NETO1: variants seen among roughly 807,000 people sequenced by gnomAD.
NETO1 encodes neuropilin and tolloid like 1.
Under a neutral mutation model 61.3 loss-of-function variants are expected in NETO1, and 26 were observed. That is an observed-to-expected ratio of 0.42 (90% CI 0.31 to 0.59). The LOEUF is 0.59. Among genes scored for constraint, NETO1 ranks in the 20% least tolerant of loss-of-function variants. The probability of loss-of-function intolerance (pLI) is 0.12; values close to 1 mark genes in which losing one functional copy is unlikely to be tolerated. For synonymous variants in NETO1, 225 were observed against 225.8 expected (o/e 1.00, Z 0.03); for missense variants, 531 against 662.8 (o/e 0.80, Z 2.18).
chr18:72,810,770 A>T (rs1322442871), intron 4 of NETO1, among the ~76,000 whole-genome samples: 1 of 152,180 alleles, frequency 6.6e-6, no homozygotes, highest in African/African-American at 2.4e-5. Context: ...TTTCATTAAG[A>T]GGTGAGAAAA....
chr18:72,865,032 T>G, intron 2 of NETO1, 87 bp from the exon 3 acceptor site: 8 of 1,454,798 alleles, frequency 5.5e-6, no homozygotes, highest in Non-Finnish European at 6.5e-6. Flanking sequence ...ATAATATCCA[T>G]TAGTAAATTA....
chr18:72,825,813 GT>G lies in NETO1; in HGVS notation c.470-31410del, dbSNP rs200296482. Among the ~76,000 whole-genome samples, 3 of 152,086 alleles carry G rather than the reference GT, an allele frequency of 2.0e-5. No homozygotes were observed. The East Asian group carries it at 5.8e-4, about 29-fold the overall frequency. On this transcript the variant is annotated intron_variant, in intron 4 of 10. Transcript: ENST00000327305. Reference sequence around the variant, plus strand: ...GCGATCTTTAAAAGTGAAATTTTGAGTTTTCAATCACTTAGAATTTTTAAAA... The same window carrying G: ...GCGATCTTTAAAAGTGAAATTTTGAGTTTCAATCACTTAGAATTTTTAAAA...
At chr18:72,820,462 T>C (rs2073157038) in intron 4 of NETO1, among the ~76,000 whole-genome samples, 1 of 152,218 alleles carries the variant, frequency 6.6e-6, no homozygotes, top group Non-Finnish European at 1.5e-5. Flanking sequence ...CCTTCTCCAC[T>C]CCACCCCATT....
rs112630962 is a variant in NETO1 at position 72,798,480 on chromosome 18, G to A, written c.470-4076C>T. 1.3e-3 allele frequency among the ~76,000 whole-genome samples: 193 copies of A among 152,226 alleles called. 1 individual carries two copies. The highest frequency in any genetic ancestry group is 3.3e-3 in the African/African-American group (135 of 41,518). On this transcript the variant is annotated intron_variant, in intron 4 of 10. Transcript: ENST00000327305. ...TCAGTGAGTGGCAAGTGTCACAAGC[G>A]GCATCTGGTGACAGGCTTTGTAGTG... is the stretch of plus-strand genomic sequence containing the variant.
At chr18:72,752,307 C>T (rs764305822) in intron 8 of NETO1, among the ~76,000 whole-genome samples, 10 of 152,080 alleles carry the variant, frequency 6.6e-5, no homozygotes, top group African/African-American at 1.2e-4. Flanking sequence ...GAGCAATCAG[C>T]CGGCAATTGG....
chr18:72,816,577 C>T (rs1234808306), intron 4 of NETO1, among the ~76,000 whole-genome samples: 1 of 152,126 alleles, frequency 6.6e-6, no homozygotes, highest in African/African-American at 2.4e-5. Context: ...CAGGGCATAG[C>T]ACCAATGGCA....
At chr18:72,812,843 G>T (rs2072911644) in intron 4 of NETO1, among the ~76,000 whole-genome samples, 1 of 152,150 alleles carries the variant, frequency 6.6e-6, no homozygotes, top group African/African-American at 2.4e-5. Context: ...GGAGTCAACA[G>T]CCCTGTCAGA....
At chr18:72,762,595 A>T (rs1265001126) in intron 7 of NETO1, among the ~76,000 whole-genome samples, 2 of 152,216 alleles carry the variant, frequency 1.3e-5, no homozygotes, top group African/African-American at 4.8e-5. Flanking sequence ...CAAAAAAGTT[A>T]ATTTTCTCTT....
At chr18:72,864,979 C>T in intron 2 of NETO1, 34 bp from the exon 3 acceptor site, 2 of 1,566,460 alleles carry the variant, frequency 1.3e-6, no homozygotes, top group Non-Finnish European at 1.7e-6. Context: ...TAAAAAGAGC[C>T]ATCATCCAAT....
intron 6 of NETO1, among the ~76,000 whole-genome samples, chr18:72,786,170 C>T (rs1032102): frequency 0.34 from 51,776 of 151,912 alleles, 9,131 homozygotes; most frequent in Admixed American, 0.47. Flanking sequence ...GACATTTAAG[C>T]GTTATAAATA....
chr18:72,781,202 A>G (rs896798065), intron 7 of NETO1, among the ~76,000 whole-genome samples: 14 of 152,176 alleles, frequency 9.2e-5, no homozygotes, highest in African/African-American at 3.4e-4. Context: ...TCTGGACTGT[A>G]TCATTTAATA....
intron 7 of NETO1, among the ~76,000 whole-genome samples, chr18:72,764,091 G>A (rs2071073239): frequency 6.6e-6 from 1 of 152,162 alleles, no homozygotes; most frequent in African/African-American, 2.4e-5. Context: ...ACCTGGTCCA[G>A]CCCTTGACAC....
intron 7 of NETO1, among the ~76,000 whole-genome samples, chr18:72,775,769 A>T (rs1024241351): frequency 6.6e-6 from 1 of 152,192 alleles, no homozygotes; most frequent in African/African-American, 2.4e-5. Flanking sequence ...TCAGGTCTTT[A>T]ATTCTTGCCT....
At chr18:72,864,013 A>T (rs2074659560) in intron 3 of NETO1, among the ~76,000 whole-genome samples, 1 of 152,108 alleles carries the variant, frequency 6.6e-6, no homozygotes, top group Non-Finnish European at 1.5e-5. Flanking sequence ...TGAGGTCATG[A>T]GTTTGAGACC....
chr18:72,772,793 T>TATCTC (rs1391807702), intron 7 of NETO1, among the ~76,000 whole-genome samples: 17 of 58,946 alleles, frequency 2.9e-4, no homozygotes, highest in African/African-American at 8.9e-4. Context: ...CTCTATATAG[T>TATCTC]TCTCTCTCTC....
intron 4 of NETO1, among the ~76,000 whole-genome samples, chr18:72,839,968 T>A (rs898587114): frequency 6.6e-6 from 1 of 152,332 alleles, no homozygotes; most frequent in African/African-American, 2.4e-5. Flanking sequence ...GCATGAACTA[T>A]AGGAGCTAAA....
intron 4 of NETO1, among the ~76,000 whole-genome samples, chr18:72,845,935 T>A (rs1439728475): frequency 1.3e-5 from 2 of 150,840 alleles, no homozygotes; most frequent in East Asian, 3.9e-4. Flanking sequence ...AGCTAGAGAC[T>A]GAAAAGTCTA....
chr18:72,853,830 T>C (rs1183341755), intron 4 of NETO1, among the ~76,000 whole-genome samples: 1 of 151,976 alleles, frequency 6.6e-6, no homozygotes, highest in Non-Finnish European at 1.5e-5. Flanking sequence ...TTGTGCAAAA[T>C]TTAAATGAAA....
In NETO1 at chr18:72,775,201, C is replaced by T. The variant is rs1298399969; in HGVS notation, c.868+8477G>A. 2.0e-5 allele frequency among the ~76,000 whole-genome samples: 3 copies of T among 152,190 alleles called. No homozygotes were observed. The East Asian group carries it at 5.8e-4, about 29-fold the overall frequency. On this transcript the variant is annotated intron_variant, in intron 7 of 10. Coordinates refer to ENST00000327305, the MANE Select transcript of NETO1 (RefSeq NM_138966.5). ...TCTCAAGCCTAGTAGCAAGTAAATA[C>T]TTACCCTTTTCAGTGCCCTTATGCT...
Sources: gnomAD v4.1 joint callset for allele counts (sites outside exome capture counted in the v4.1 genomes callset) on GRCh38, gnomAD v4.1.1 for gene constraint, MANE v1.5 for transcripts, NCBI Gene and HGNC (gene_info 2026-07-23, HGNC 2026-07-21) for gene names.